Variants in BRD4 observed in about 807,000 individuals in gnomAD.
BRD4 encodes bromodomain containing 4, also known as bromodomain-containing protein 4.
Under a neutral mutation model 142.1 loss-of-function variants are expected in BRD4, and 16 were observed. That is an observed-to-expected ratio of 0.11 (90% CI 0.08 to 0.17). The LOEUF (loss-of-function observed/expected upper bound fraction) is 0.17. BRD4 is among the 10% of genes least tolerant of loss of function. The probability of loss-of-function intolerance (pLI) is 1.00; values close to 1 mark genes in which losing one functional copy is unlikely to be tolerated. For synonymous variants in BRD4, 833 were observed against 707.5 expected, an observed-to-expected ratio of 1.18 and a Z score of -2.82; for missense variants, 1,424 against 1,810.9, an observed-to-expected ratio of 0.79 and a Z score of 3.88.
intron 11 of BRD4, among the ~76,000 whole-genome samples, chr19:15,249,580 C>T (rs758196595): frequency 2.6e-5 from 4 of 152,196 alleles, no homozygotes; most frequent in Non-Finnish European, 4.4e-5. Flanking sequence ...CACTAGCAAG[C>T]TCCACGTGTG....
intron 1 of BRD4, among the ~76,000 whole-genome samples, chr19:15,287,151 T>C (rs1355135529): frequency 2.0e-5 from 3 of 152,202 alleles, no homozygotes; most frequent in South Asian, 4.1e-4. Flanking sequence ...GGGAAACATA[T>C]GGGAAATCTC....
Position 15,236,803 on chromosome 19 carries a change from T to C in BRD4, c.*1574A>G, listed in dbSNP as rs898513394. 3.4e-5 allele frequency: 6 copies of C among 178,446 alleles called. No homozygotes were observed. The highest frequency in any genetic ancestry group is 2.8e-4 in the East Asian group (3 of 10,854). 11.1% of individuals were successfully genotyped at this position (178,446 alleles called of 1,614,324 possible). ...CCCCTGGGCCTAGCCTAGGCAACAG[T>C]TGGTTCACAAAGAAATGTCAGGGAG... On this transcript the variant is annotated 3_prime_UTR_variant, in exon 20 of 20. Transcript: ENST00000679869.
chr19:15,244,116 TAG>T (rs1441405250), intron 13 of BRD4, 113 bp downstream of exon 13: 31 of 1,524,688 alleles, frequency 2.0e-5, no homozygotes, highest in Non-Finnish European at 2.6e-5. Flanking sequence ...ATCTTCCCTC[TAG>T]AGACCAGAGC....
chr19:15,243,682 C>T (rs1010347689), intron 13 of BRD4, among the ~76,000 whole-genome samples, 195 bp from the exon 14 acceptor site: 8 of 152,180 alleles, frequency 5.3e-5, no homozygotes, highest in African/African-American at 1.7e-4. Context: ...AGCTTTAGGG[C>T]GGTGTCATCC....
At chr19:15,290,068 G>C (rs1387304079) in intron 1 of BRD4, among the ~76,000 whole-genome samples, 1 of 152,132 alleles carries the variant, frequency 6.6e-6, no homozygotes, top group Non-Finnish European at 1.5e-5. Context: ...TAAGGGTAGG[G>C]CAGGGGGTCA....
At chr19:15,293,860 G>A (rs763830057) in intron 1 of BRD4, among the ~76,000 whole-genome samples, 2 of 152,124 alleles carry the variant, frequency 1.3e-5, no homozygotes, top group Non-Finnish European at 2.9e-5. Context: ...GTATGTATTT[G>A]ACCATTTTTG....
chr19:15,324,428 T>G (rs2048090731), intron 1 of BRD4, among the ~76,000 whole-genome samples: 1 of 152,246 alleles, frequency 6.6e-6, no homozygotes, highest in South Asian at 2.1e-4. Flanking sequence ...TGGACTTAAC[T>G]GGTTCTTCTG....
chr19:15,267,317 A>AAT (rs1181583300), intron 4 of BRD4, 99 bp downstream of exon 4: 122 of 1,438,866 alleles, frequency 8.5e-5, no homozygotes, highest in Non-Finnish European at 5.2e-5. Context: ...TGCAGTATAT[A>AAT]ATGTCACATC....
rs1010875822 is a variant in BRD4, at chr19:15,238,669, C to T, written c.4020+74G>A. ...CCCCCGCTGCCCCTCCCTGTCCAGGCTCCAGTCCCCCTTTCCCAGCTCCCT... is the reference window on the plus strand; with the variant it reads ...CCCCCGCTGCCCCTCCCTGTCCAGGTTCCAGTCCCCCTTTCCCAGCTCCCT... On this transcript the variant is annotated intron_variant, in intron 19 of 19. Coordinates refer to ENST00000679869, the MANE Select transcript of BRD4 (RefSeq NM_001379291.1). This position sits in a 1 kb window ranked among gnomAD's most constrained non-coding sequence, Gnocchi z 7.2. 1.4e-6 allele frequency: 2 copies of T among 1,458,204 alleles called. No individual in the cohort carries two copies. The highest frequency in any genetic ancestry group is 1.4e-5 in the South Asian group (1 of 68,966). 90.3% of individuals were successfully genotyped at this position (1,458,204 alleles called of 1,614,324 possible).
chr19:15,265,558 A>C lies in BRD4; in HGVS notation c.645T>G (p.Pro215=), dbSNP rs200390724. The change falls in exon 5 of 20, where the codon CCT becomes CCG. Residue 215 remains proline (P), a synonymous_variant. Coordinates refer to ENST00000679869, the MANE Select transcript of BRD4 (RefSeq NM_001379291.1). The part of the protein sequence containing the change: ...PPQTQTPQPN[P]PPVQATPHPF... ...GGTGAGGCGTGGCCTGCACAGGAGG[A>C]GGATTCGGCTGAGGGGTCTGGGTCT... 296 of 1,613,638 alleles carry C rather than the reference A, an allele frequency of 1.8e-4. No homozygotes were observed. The highest frequency in any genetic ancestry group is 2.3e-4 in the Non-Finnish European group (277 of 1,179,962).
At position 15,265,389 on chromosome 19, in the gene BRD4, G is replaced by T; in HGVS notation, c.814C>A (p.Pro272Thr). 6.6e-7 allele frequency: 1 copy of T among 1,523,340 alleles called. No individual in the cohort carries two copies. Among genetic ancestry groups the T allele is most frequent in the Non-Finnish European group, 8.8e-7 (1 of 1,137,776 alleles). 94.4% of individuals were successfully genotyped at this position (1,523,340 alleles called of 1,614,324 possible). ...APAPQPVQSH[P>T]PIIAATPQPV... ...TGTGGGGTGGCCGCGATGATGGGTG[G>T]GTGGCTCTGTACGGGCTGGGGAGCT... Residue 272 changes from proline (P) to threonine (T), a missense_variant, in exon 5 of 20, where the codon CCA becomes ACA. Around this residue, in one of 16 missense-constraint regions of BRD4, gnomAD observed 140 missense variants for 131.7 expected, o/e 1.06. Coordinates refer to ENST00000679869, the MANE Select transcript of BRD4 (RefSeq NM_001379291.1).
Position 15,244,136 on chromosome 19 carries a change from G to A in BRD4, c.2581+95C>T. 1.2e-5 allele frequency: 18 copies of A among 1,531,954 alleles called. No individual in the cohort carries two copies. In the South Asian group the frequency reaches 1.9e-4, roughly 16 times the overall value. 94.9% of individuals were successfully genotyped at this position (1,531,954 alleles called of 1,614,324 possible). A position where few individuals can be genotyped will look rare whatever the true frequency, so the allele number is the denominator to read the frequency against. ...CCCTCTAGAGACCAGAGCAGCTGAG[G>A]CTAAGAAGCTGCCCAGCCAGAGTGC... On this transcript the variant is annotated intron_variant, in intron 13 of 19. Transcript: ENST00000679869.
chr19:15,245,809 T>A lies in BRD4; in HGVS notation c.2159-1047A>T, dbSNP rs535427781. Among the ~76,000 whole-genome samples the A allele has an allele frequency of 4.4e-3, 663 of 152,294 alleles. 3 individuals carry two copies. Among genetic ancestry groups the A allele is most frequent in the Non-Finnish European group, 7.0e-3 (475 of 68,032 alleles). On this transcript the variant is annotated intron_variant, in intron 11 of 19. Transcript: ENST00000679869. ...TGGATTCCTGTCACTGAGAAGCACC[T>A]CATGGCACTGCCTGGCTTCGCCTGA...
At chr19:15,240,775 C>T (rs1463977299) in intron 14 of BRD4, among the ~76,000 whole-genome samples, 2 of 152,210 alleles carry the variant, frequency 1.3e-5, no homozygotes, top group Non-Finnish European at 1.5e-5. Context: ...CCTACCCATC[C>T]AACATGTGGC....
chr19:15,239,814 C>A lies in BRD4; in HGVS notation c.3290G>T (p.Arg1097Leu). The A allele has an allele frequency of 6.2e-7, 1 of 1,613,656 alleles. No homozygotes were observed. The highest frequency in any genetic ancestry group is 8.5e-7 in the Non-Finnish European group (1 of 1,179,918). Residue 1097 changes from arginine (R) to leucine (L), a missense_variant, in exon 16 of 20, where the codon CGT (arginine) becomes CTT (leucine). Physicochemically the swap from Arg to Leu is moderately radical, Grantham distance 102 (BLOSUM62 -2). Around this residue, in one of 16 missense-constraint regions of BRD4, gnomAD observed 598 missense variants for 647.8 expected, o/e 0.92. Coordinates refer to ENST00000679869, the MANE Select transcript of BRD4 (RefSeq NM_001379291.1). The surrounding 1 kb of genome is among the most constrained non-coding windows in gnomAD (Gnocchi z 7.4). Reference sequence around the variant, plus strand: ...CTGGGGCTGGACCACGGAGGCAGCACGCAGCTCCTGGGATGGCACAGGCAC... The same window carrying A: ...CTGGGGCTGGACCACGGAGGCAGCAAGCAGCTCCTGGGATGGCACAGGCAC... ...QNVQPKKQEL[R>L]AASVVQPQPL...
chr19:15,312,099 G>C (rs755186999), intron 1 of BRD4, among the ~76,000 whole-genome samples: 2 of 152,288 alleles, frequency 1.3e-5, no homozygotes, highest in Non-Finnish European at 2.9e-5. Flanking sequence ...GGGTTCAGCC[G>C]ACATTCCTCA....
At chr19:15,245,753 T>C (rs954386330) in intron 11 of BRD4, among the ~76,000 whole-genome samples, 1 of 152,142 alleles carries the variant, frequency 6.6e-6, no homozygotes, top group Non-Finnish European at 1.5e-5. Context: ...TGCCACCAGA[T>C]GGGAGGCCGG....
At position 15,265,623 on chromosome 19, in the gene BRD4, A is replaced by G. The variant is rs775379834; in HGVS notation, c.580T>C (p.Ser194Pro). 1 of 1,614,102 alleles carries G rather than the reference A, an allele frequency of 6.2e-7. No individual in the cohort carries two copies. The highest frequency in any genetic ancestry group is 1.3e-5 in the African/African-American group (1 of 74,998). The change falls in exon 5 of 20, where the codon TCC becomes CCC. Residue 194 changes from serine (S) to proline (P), a missense_variant. This residue lies in a region of BRD4 where 140 missense variants were observed against 131.7 expected (regional missense o/e 1.06). Coordinates refer to ENST00000679869, the MANE Select transcript of BRD4 (RefSeq NM_001379291.1). ...KETGTAKPGV[S>P]TVPNTTQAST... ...GCTTGAGTTGTGTTTGGTACCGTGGAAACGCCAGGTTTTGCTGTCCCTACA... is the reference window on the plus strand; with the variant it reads ...GCTTGAGTTGTGTTTGGTACCGTGGGAACGCCAGGTTTTGCTGTCCCTACA...
Position 15,322,323 on chromosome 19 carries a change from G to A in BRD4, c.-35+9967C>T, listed in dbSNP as rs144949119. On this transcript the variant is annotated intron_variant, in intron 1 of 19. Transcript: ENST00000679869. ...GTCTCGCTCTGTCGCCCAGGCTGGA[G>A]TGCAGTGACACGATCTCGGCTCACT... is the stretch of plus-strand genomic sequence containing the variant. 6.3e-3 allele frequency among the ~76,000 whole-genome samples: 961 copies of A among 152,152 alleles called. 10 individuals are homozygous for A. Among genetic ancestry groups the A allele is most frequent in the African/African-American group, 0.022 (910 of 41,486 alleles).
Sources: gnomAD v4.1 joint callset for allele counts (sites outside exome capture counted in the v4.1 genomes callset) on GRCh38, gnomAD v4.1.1 for gene constraint, gnomAD v4.1.1 regional missense constraint, Gnocchi (gnomAD v3.1) non-coding constraint, MANE v1.5 for transcripts, NCBI Gene and HGNC (gene_info 2026-07-23, HGNC 2026-07-21) for gene names.